SPTBN1: variants seen among roughly 807,000 people sequenced by gnomAD.
The protein encoded by SPTBN1 is spectrin beta, non-erythrocytic 1.
A neutral mutation model predicts 266.4 loss-of-function variants in SPTBN1; 32 were observed. The observed-to-expected ratio is 0.12, with a 90% CI of 0.09 to 0.16. The LOEUF is 0.16. Ranked by LOEUF, SPTBN1 falls within the 10% of genes least tolerant of loss-of-function variation. The pLI, the probability that SPTBN1 is intolerant of heterozygous loss-of-function variation, is 1.00. For missense variants in SPTBN1, 2,296 were observed against 3,067.1 expected, an observed-to-expected ratio of 0.75 and a Z score of 5.94; for synonymous variants, 1,336 against 1,162.2, an observed-to-expected ratio of 1.15 and a Z score of -3.04.
At chr2:54,465,744 A>G (rs1693604778) in intron 1 of SPTBN1, among the ~76,000 whole-genome samples, 1 of 151,062 alleles carries the variant, frequency 6.6e-6, no homozygotes, top group Non-Finnish European at 1.5e-5. Flanking sequence ...ATTTTAAAAC[A>G]TTTTAAATGG....
At chr2:54,618,234 G>A in intron 7 of SPTBN1, 41 bp downstream of exon 7, 2 of 1,503,500 alleles carry the variant, frequency 1.3e-6, no homozygotes, top group Non-Finnish European at 1.8e-6. Context: ...TTTAGCATCT[G>A]TACCATCCAG....
intron 5 of SPTBN1, 34 bp downstream of exon 5, chr2:54,616,332 T>G (rs1677604138): frequency 1.9e-6 from 3 of 1,593,482 alleles, no homozygotes. Flanking sequence ...TGGGGCTGCT[T>G]CTTCCAGGAC....
intron 2 of SPTBN1, among the ~76,000 whole-genome samples, chr2:54,592,836 A>AGGC: frequency 6.6e-6 from 1 of 152,178 alleles, no homozygotes; most frequent in African/African-American, 2.4e-5. Context: ...AGTGGGAGAG[A>AGGC]AAGAGCCGAG....
At chr2:54,666,641 A>G (rs1038640351) in intron 34 of SPTBN1, among the ~76,000 whole-genome samples, 3 of 152,212 alleles carry the variant, frequency 2.0e-5, no homozygotes, top group Non-Finnish European at 1.5e-5. Context: ...GGATACATGT[A>G]TCTCCCTACA....
Position 54,628,125 on chromosome 2 carries a change from A to G in SPTBN1, c.1673A>G (p.Lys558Arg). The G allele has an allele frequency of 6.2e-7, 1 of 1,613,702 alleles. No homozygotes were observed. The highest frequency in any genetic ancestry group is 8.5e-7 in the Non-Finnish European group (1 of 1,179,780). Residue 558 changes from lysine (K) to arginine (R), a missense_variant, in exon 13 of 36, where the codon AAA becomes AGA. Physicochemically the swap from Lys to Arg is conservative, Grantham distance 26. Coordinates refer to ENST00000356805, the MANE Select transcript of SPTBN1 (RefSeq NM_003128.3). This position sits in a 1 kb window ranked among gnomAD's most constrained non-coding sequence, Gnocchi z 4.3. The stretch of plus-strand genomic sequence containing the variant: ...CTAGTATTGTCTCAAGACTATGGCA[A>G]ACACTTACTTGGTGTGGAAGACCTG... ...KVLVLSQDYG[K>R]HLLGVEDLLQ... is the part of the protein sequence containing the mutation.
At chr2:54,538,199 A>T (rs1288035132) in intron 2 of SPTBN1, among the ~76,000 whole-genome samples, 1 of 152,248 alleles carries the variant, frequency 6.6e-6, no homozygotes, top group Non-Finnish European at 1.5e-5. Context: ...AAGAGAAACA[A>T]ACATTAGCGT....
intron 32 of SPTBN1, chr2:54,661,980 G>A (rs1202745658): frequency 7.1e-6 from 7 of 985,434 alleles, no homozygotes; most frequent in African/African-American, 1.7e-5. Context: ...ATTGTTTTGA[G>A]TGATGACGCA....
At chr2:54,603,876 A>C (rs75605831) in intron 3 of SPTBN1, among the ~76,000 whole-genome samples, 21,812 of 152,208 alleles carry the variant, frequency 0.14, 1,660 homozygotes, top group Middle Eastern at 0.23. Context: ...ATTTGCTGAG[A>C]TCAGTGTCTT....
intron 2 of SPTBN1, among the ~76,000 whole-genome samples, chr2:54,594,205 CT>C (rs1217661798): frequency 6.6e-6 from 1 of 151,514 alleles, no homozygotes; most frequent in African/African-American, 2.4e-5. Flanking sequence ...GCCAGCCTGC[CT>C]GGAGAGTTGC....
chr2:54,670,959 T>G lies in SPTBN1; in HGVS notation c.*2390T>G, dbSNP rs530121785. ...GGGTAAATAGTTTTTGGGTTTTTTGTTTTTTTTTTATTCTTCCACTATCAT... is the reference window on the plus strand; with the variant it reads ...GGGTAAATAGTTTTTGGGTTTTTTGGTTTTTTTTTATTCTTCCACTATCAT... On this transcript the variant is annotated 3_prime_UTR_variant, in exon 36 of 36. Transcript: ENST00000356805. 1.8e-4 allele frequency: 66 copies of G among 364,244 alleles called. No homozygotes were observed. The highest frequency in any genetic ancestry group is 1.2e-3 in the Admixed American group (26 of 21,378). 22.6% of individuals were successfully genotyped at this position (364,244 alleles called of 1,614,324 possible). A position where few individuals can be genotyped will look rare whatever the true frequency, so the allele number is the denominator to read the frequency against.
intron 2 of SPTBN1, among the ~76,000 whole-genome samples, chr2:54,584,009 G>A (rs987114912): frequency 5.3e-5 from 8 of 152,186 alleles, no homozygotes; most frequent in African/African-American, 1.9e-4. Flanking sequence ...AAGTGGAAAT[G>A]CCTCCTGTCT....
chr2:54,621,017 A>C (rs532443884), intron 7 of SPTBN1, among the ~76,000 whole-genome samples: 1 of 152,172 alleles, frequency 6.6e-6, no homozygotes, highest in Non-Finnish European at 1.5e-5. Context: ...GGTCATCCCA[A>C]CTTAGACTCA....
At chr2:54,589,877 C>G (rs1292553910) in intron 2 of SPTBN1, among the ~76,000 whole-genome samples, 2 of 152,222 alleles carry the variant, frequency 1.3e-5, no homozygotes, top group East Asian at 1.9e-4. Flanking sequence ...CACCCTACCA[C>G]TATTCTTTTG....
rs1681619199 is a variant in SPTBN1 at position 54,669,769 on chromosome 2, A to C, written c.*1200A>C. On this transcript the variant is annotated 3_prime_UTR_variant, in exon 36 of 36. Transcript: ENST00000356805. ...AAATGACAAACAAGAAACATTTTAC[A>C]ACCAGTCTGGGCTCACTTTTGCATT... 6.6e-6 allele frequency: 1 copy of C among 152,516 alleles called. No homozygotes were observed. Among genetic ancestry groups the C allele is most frequent in the Non-Finnish European group, 1.5e-5 (1 of 68,046 alleles). 9.4% of individuals were successfully genotyped at this position (152,516 alleles called of 1,614,324 possible). A position where few individuals can be genotyped will look rare whatever the true frequency, so the allele number is the denominator to read the frequency against.
intron 2 of SPTBN1, among the ~76,000 whole-genome samples, chr2:54,563,728 TG>T (rs1273043564): frequency 6.7e-6 from 1 of 148,742 alleles, no homozygotes; most frequent in Admixed American, 6.8e-5. Flanking sequence ...CTCAGTCTCC[TG>T]AGTAGCTGGG....
intron 17 of SPTBN1, among the ~76,000 whole-genome samples, chr2:54,634,977 A>G (rs1485801857): frequency 6.6e-6 from 1 of 152,256 alleles, no homozygotes; most frequent in African/African-American, 2.4e-5. Flanking sequence ...AGCAAGGAAC[A>G]GTATCCAGCT....
At chr2:54,627,049 C>T (rs1263872911) in intron 12 of SPTBN1, among the ~76,000 whole-genome samples, 1 of 149,350 alleles carries the variant, frequency 6.7e-6, no homozygotes, top group Admixed American at 6.6e-5. Context: ...CATGAAGCTT[C>T]CTTTGTCTCA....
chr2:54,645,944 G>A lies in SPTBN1; in HGVS notation c.4511G>A (p.Arg1504Lys), dbSNP rs758665423. The A allele has an allele frequency of 6.2e-7, 1 of 1,614,208 alleles. No individual in the cohort carries two copies. Among genetic ancestry groups the A allele is most frequent in the South Asian group, 1.1e-5 (1 of 91,088 alleles). The change falls in exon 22 of 36, where the codon AGG (arginine) becomes AAG (lysine). Residue 1504 changes from arginine to lysine, a missense_variant. Arg to Lys is a conservative substitution (Grantham distance 26). This residue lies in a region of SPTBN1 where 644 missense variants were observed against 745.3 expected (regional missense o/e 0.86). Transcript: ENST00000356805. The surrounding 1 kb of genome is among the most constrained non-coding windows in gnomAD (Gnocchi z 4.3). ...VEDEILWVGE[R>K]MPLATSTDHG... ...TCTTCCCAGTTGTGGGTTGGAGAGA[G>A]GATGCCTTTGGCAACTTCCACGGAT...
chr2:54,517,946 GT>G (rs35846594), intron 1 of SPTBN1, among the ~76,000 whole-genome samples: 107,235 of 145,342 alleles, frequency 0.74, 39,684 homozygotes, highest in African/African-American at 0.87. Context: ...GCCTGGTATT[GT>G]TTTTTTTTTT....
Sources: gnomAD v4.1 joint callset for allele counts (sites outside exome capture counted in the v4.1 genomes callset) on GRCh38, gnomAD v4.1.1 for gene constraint, gnomAD v4.1.1 regional missense constraint, Gnocchi (gnomAD v3.1) non-coding constraint, MANE v1.5 for transcripts, NCBI Gene and HGNC (gene_info 2026-07-23, HGNC 2026-07-21) for gene names.